The following CSMD1 variants were observed in gnomAD, a reference collection of about 807,000 sequenced individuals.
CSMD1 encodes the protein CUB and sushi domain-containing protein 1.
In CSMD1, 213 loss-of-function variants were observed where a neutral mutation model predicts 417.5. That is an observed-to-expected ratio of 0.51 (90% CI 0.46 to 0.57). The LOEUF (loss-of-function observed/expected upper bound fraction) is 0.57, where lower values mean the gene tolerates loss of function less well. Ranked by LOEUF, CSMD1 falls within the 20% of genes least tolerant of loss-of-function variation. The pLI, the probability that CSMD1 is intolerant of heterozygous loss-of-function variation, is 0.00. For missense variants in CSMD1, 6,923 were observed against 4,529.7 expected (o/e 1.53, Z -15.17); for synonymous variants, 2,862 against 1,736.8 (o/e 1.65, Z -16.11).
chr8:3,615,656 C>G (rs1010434983), intron 8 of CSMD1, among the ~76,000 whole-genome samples: 1 of 152,132 alleles, frequency 6.6e-6, no homozygotes, highest in Non-Finnish European at 1.5e-5. Context: ...CGTTGTTACT[C>G]CAATTTAACT....
chr8:4,640,973 G>GAA (rs1022834463), intron 1 of CSMD1, among the ~76,000 whole-genome samples: 1 of 150,388 alleles, frequency 6.6e-6, no homozygotes, highest in Non-Finnish European at 1.5e-5. Flanking sequence ...TAAAAAAGAA[G>GAA]TATATATATA....
intron 3 of CSMD1, among the ~76,000 whole-genome samples, chr8:4,254,031 C>T (rs200700373): frequency 1.3e-5 from 2 of 151,228 alleles, no homozygotes; most frequent in African/African-American, 2.4e-5. Flanking sequence ...ATTCTCCCGC[C>T]TCAGCCTCCC....
At chr8:4,155,225 G>C (rs769263148) in intron 3 of CSMD1, among the ~76,000 whole-genome samples, 1 of 152,136 alleles carries the variant, frequency 6.6e-6, no homozygotes, top group Non-Finnish European at 1.5e-5. Flanking sequence ...AGATGACTGG[G>C]TCACGCAAAT....
At chr8:4,559,263 T>G (rs1026222687) in intron 2 of CSMD1, among the ~76,000 whole-genome samples, 2 of 152,140 alleles carry the variant, frequency 1.3e-5, no homozygotes, top group African/African-American at 4.8e-5. Flanking sequence ...AAAACAAAAG[T>G]CCAAACTTAA....
In CSMD1 at chr8:3,699,129, C is replaced by G. The variant is rs78750281; in HGVS notation, c.1009+9285G>C. On this transcript the variant is annotated intron_variant, in intron 7 of 69. Transcript: ENST00000635120. ...AAAGCAAGCATGTCTCAGCCATTGACTCAGTAACAAATGAACTCCTTCAGC... is the reference window on the plus strand; with the variant it reads ...AAAGCAAGCATGTCTCAGCCATTGAGTCAGTAACAAATGAACTCCTTCAGC... Among the ~76,000 whole-genome samples the G allele has an allele frequency of 5.9e-3, 898 of 152,294 alleles. 11 individuals are homozygous for G. Among genetic ancestry groups the G allele is most frequent in the African/African-American group, 0.017 (722 of 41,560 alleles).
At chr8:3,076,272 G>C (rs1302286621) in intron 49 of CSMD1, among the ~76,000 whole-genome samples, 3 of 78,280 alleles carry the variant, frequency 3.8e-5, no homozygotes, top group Non-Finnish European at 8.0e-5. Context: ...CTGTGTCCCT[G>C]CATGGTCGCC....
At chr8:4,837,257 C>T (rs181120580) in intron 1 of CSMD1, among the ~76,000 whole-genome samples, 2 of 151,866 alleles carry the variant, frequency 1.3e-5, no homozygotes, top group Non-Finnish European at 2.9e-5. Context: ...ATATACCCCC[C>T]AAAAAAGGAA....
At position 4,846,880 on chromosome 8, in the gene CSMD1, A is replaced by G. The variant is rs546773572; in HGVS notation, c.85+147452T>C. Among the ~76,000 whole-genome samples, 110 of 152,340 alleles carry G rather than the reference A, an allele frequency of 7.2e-4. 1 individual carries two copies. Among genetic ancestry groups the G allele is most frequent in the South Asian group, 2.1e-3 (10 of 4,820 alleles). ...ATATCTGTAAATATTCTTGAAATAGAATAATAGTGAAACTTACTGGAAACT... is the reference window on the plus strand; with the variant it reads ...ATATCTGTAAATATTCTTGAAATAGGATAATAGTGAAACTTACTGGAAACT... On this transcript the variant is annotated intron_variant, in intron 1 of 69. Transcript: ENST00000635120.
At chr8:3,847,350 A>T (rs1803576624) in intron 5 of CSMD1, among the ~76,000 whole-genome samples, 1 of 152,130 alleles carries the variant, frequency 6.6e-6, no homozygotes, top group Non-Finnish European at 1.5e-5. Context: ...TCCAAGTCAG[A>T]GAAGGAAGCA....
At chr8:3,295,386 A>T (rs373811803) in intron 25 of CSMD1, among the ~76,000 whole-genome samples, 1 of 152,116 alleles carries the variant, frequency 6.6e-6, no homozygotes, top group Non-Finnish European at 1.5e-5. Context: ...TCGGCCTCCC[A>T]AAGTGCTGGG....
intron 3 of CSMD1, among the ~76,000 whole-genome samples, chr8:4,034,923 A>C (rs1227157324): frequency 2.0e-5 from 3 of 152,186 alleles, no homozygotes; most frequent in Non-Finnish European, 4.4e-5. Flanking sequence ...AGTCATTGTC[A>C]CACACGGAAA....
intron 2 of CSMD1, among the ~76,000 whole-genome samples, chr8:4,626,115 A>G (rs12675180): frequency 6.6e-6 from 1 of 152,142 alleles, no homozygotes; most frequent in Admixed American, 6.6e-5. Context: ...TCATGTATAG[A>G]CCATGAGAAA....
intron 3 of CSMD1, among the ~76,000 whole-genome samples, chr8:4,132,191 G>GA (rs1803150233): frequency 8.7e-6 from 1 of 114,318 alleles, no homozygotes; most frequent in African/African-American, 3.3e-5. Flanking sequence ...ATTTGTCATG[G>GA]ATTTTTTTTT....
At chr8:2,989,199 T>G (rs534143235) in intron 54 of CSMD1, among the ~76,000 whole-genome samples, 6 of 152,350 alleles carry the variant, frequency 3.9e-5, no homozygotes, top group African/African-American at 1.4e-4. Context: ...AGCTGCTTTT[T>G]TTTAACTTGA....
intron 1 of CSMD1, among the ~76,000 whole-genome samples, chr8:4,741,389 T>C (rs1810596204): frequency 6.6e-6 from 1 of 152,220 alleles, no homozygotes; most frequent in Non-Finnish European, 1.5e-5. Flanking sequence ...ACTATTATTC[T>C]TGCCACAAGA....
intron 1 of CSMD1, among the ~76,000 whole-genome samples, chr8:4,755,003 T>G (rs571439756): frequency 1.3e-4 from 20 of 152,048 alleles, no homozygotes; most frequent in Admixed American, 4.6e-4. Flanking sequence ...CCGGGCATGG[T>G]GGCATGTGCC....
chr8:3,316,642 T>G (rs1490747737), intron 23 of CSMD1, among the ~76,000 whole-genome samples: 1 of 152,076 alleles, frequency 6.6e-6, no homozygotes, highest in African/African-American at 2.4e-5. Context: ...GAACACCAAT[T>G]TACAGGAACA....
At chr8:3,490,966 TA>T (rs1818340311) in intron 11 of CSMD1, among the ~76,000 whole-genome samples, 2 of 152,204 alleles carry the variant, frequency 1.3e-5, no homozygotes, top group African/African-American at 4.8e-5. Context: ...CACTGAGGTT[TA>T]TATAAATTTT....
intron 3 of CSMD1, among the ~76,000 whole-genome samples, chr8:4,055,223 T>G: frequency 6.6e-6 from 1 of 152,192 alleles, no homozygotes; most frequent in East Asian, 1.9e-4. Context: ...TTAAAAACCA[T>G]TTTGAGACAA....
Sources: gnomAD v4.1 joint callset for allele counts (sites outside exome capture counted in the v4.1 genomes callset) on GRCh38, gnomAD v4.1.1 for gene constraint, MANE v1.5 for transcripts, NCBI Gene and HGNC (gene_info 2026-07-23, HGNC 2026-07-21) for gene names.